LOC400499: variants seen among roughly 807,000 people sequenced by gnomAD.
the LOC400499 span, among the ~76,000 whole-genome samples, chr16:11,453,526 A>G: frequency 6.6e-6 from 1 of 152,176 alleles, no homozygotes; most frequent in Non-Finnish European, 1.5e-5. Context: ...ATGGAACAGG[A>G]CGCTGTAAGA....
chr16:11,382,130 G>A, the LOC400499 span, among the ~76,000 whole-genome samples: 1 of 151,744 alleles, frequency 6.6e-6, no homozygotes, highest in Non-Finnish European at 1.5e-5. Context: ...AGAGACAGGG[G>A]TTTCGCCATG....
chr16:11,404,539 G>A, the LOC400499 span, among the ~76,000 whole-genome samples: 3 of 152,170 alleles, frequency 2.0e-5, no homozygotes, highest in Non-Finnish European at 4.4e-5. Flanking sequence ...TAGAGATGGG[G>A]TTTCACCATG....
At chr16:11,475,832 G>C in the LOC400499 span, 1 of 389,944 alleles carries the variant, frequency 2.6e-6, no homozygotes, top group Middle Eastern at 6.5e-4. Flanking sequence ...AGCGGGGCCA[G>C]CCTTTGGGCA....
chr16:11,395,791 C>A, the LOC400499 span, among the ~76,000 whole-genome samples: 1 of 152,150 alleles, frequency 6.6e-6, no homozygotes, highest in Non-Finnish European at 1.5e-5. Context: ...TGGATGGAAA[C>A]GCCGAGAGAG....
At chr16:11,430,488 C>G in the LOC400499 span, among the ~76,000 whole-genome samples, 7 of 151,392 alleles carry the variant, frequency 4.6e-5, no homozygotes, top group Non-Finnish European at 7.4e-5. Context: ...AAAACTCAGT[C>G]TCAAAAAAGA....
At chr16:11,402,218 G>A in the LOC400499 span, 1 of 399,016 alleles carries the variant, frequency 2.5e-6, no homozygotes, top group East Asian at 3.6e-5. Flanking sequence ...AGCAGCTCCA[G>A]GCCCAAGGGG....
chr16:11,453,648 C>T, the LOC400499 span, among the ~76,000 whole-genome samples: 1 of 151,758 alleles, frequency 6.6e-6, no homozygotes, highest in Non-Finnish European at 1.5e-5. Flanking sequence ...TTGAACAGAA[C>T]CAAAGGACAA....
At chr16:11,389,930 G>A in the LOC400499 span, among the ~76,000 whole-genome samples, 1 of 152,174 alleles carries the variant, frequency 6.6e-6, no homozygotes, top group East Asian at 1.9e-4. Context: ...TGCTCACGAG[G>A]TATCTATGGA....
At chr16:11,460,752 G>A in the LOC400499 span, 10 of 1,313,760 alleles carry the variant, frequency 7.6e-6, no homozygotes, top group Admixed American at 5.7e-5. Flanking sequence ...ATTAGAACCT[G>A]TCGATGGGGA....
chr16:11,397,795 G>T, the LOC400499 span, among the ~76,000 whole-genome samples: 13 of 129,014 alleles, frequency 1.0e-4, no homozygotes, highest in African/African-American at 4.0e-4. Context: ...GGGAGGGAGG[G>T]AGGGATGGAC....
the LOC400499 span, among the ~76,000 whole-genome samples, chr16:11,519,755 G>A: frequency 6.6e-6 from 1 of 151,070 alleles, no homozygotes; most frequent in African/African-American, 2.4e-5. Context: ...TTCCAGGCTG[G>A]AGTGCAATGG....
chr16:11,514,077 G>A, the LOC400499 span, among the ~76,000 whole-genome samples: 1 of 152,140 alleles, frequency 6.6e-6, no homozygotes, highest in Non-Finnish European at 1.5e-5. Flanking sequence ...AGACTGAGGG[G>A]TCACTGAATT....
chr16:11,515,086 G>A, the LOC400499 span, among the ~76,000 whole-genome samples: 20 of 152,106 alleles, frequency 1.3e-4, no homozygotes, highest in African/African-American at 4.3e-4. Context: ...TGGCCGGAAC[G>A]CTTGAGCTCA....
At chr16:11,410,407 T>C in the LOC400499 span, among the ~76,000 whole-genome samples, 22 of 152,292 alleles carry the variant, frequency 1.4e-4, no homozygotes, top group Admixed American at 5.2e-4. Flanking sequence ...TGAGCCGAAA[T>C]TGTGCCACTG....
the LOC400499 span, among the ~76,000 whole-genome samples, chr16:11,452,739 C>G: frequency 6.6e-6 from 1 of 152,238 alleles, no homozygotes; most frequent in Non-Finnish European, 1.5e-5. Context: ...AGTAAAAGTC[C>G]TGCAAACTTG....
At chr16:11,418,336 C>T in the LOC400499 span, among the ~76,000 whole-genome samples, 1 of 152,068 alleles carries the variant, frequency 6.6e-6, no homozygotes, top group Non-Finnish European at 1.5e-5. Context: ...AGTCACGGGA[C>T]GACATAGGAG....
At chr16:11,477,979 C>T in the LOC400499 span, 1 of 398,888 alleles carries the variant, frequency 2.5e-6, no homozygotes, top group Non-Finnish European at 4.4e-6. Context: ...CCAGGCTCAG[C>T]CTCCGGTTCA....
At chr16:11,396,124 C>T in the LOC400499 span, among the ~76,000 whole-genome samples, 1 of 152,206 alleles carries the variant, frequency 6.6e-6, no homozygotes, top group Non-Finnish European at 1.5e-5. Context: ...TATATTTAAC[C>T]CTTGCAATAT....
chr16:11,472,003 G>A, the LOC400499 span: 1 of 394,108 alleles, frequency 2.5e-6, no homozygotes. Flanking sequence ...CCTCAGCACT[G>A]CTGACATTTG....
Sources: allele counts gnomAD v4.1 joint callset (sites outside exome capture counted in the v4.1 genomes callset), GRCh38; gene constraint gnomAD v4.1.1; transcripts MANE v1.5.